CTDP1: variants seen among roughly 807,000 people sequenced by gnomAD.
CTDP1 encodes the protein RNA polymerase II subunit A C-terminal domain phosphatase.
A neutral mutation model predicts 91.8 loss-of-function variants in CTDP1; 47 were observed. That is an observed-to-expected ratio of 0.51 (90% CI 0.41 to 0.65). The LOEUF (loss-of-function observed/expected upper bound fraction) is 0.65. CTDP1 is among the 30% of genes least tolerant of loss of function. The pLI is 0.00. For synonymous variants in CTDP1, 656 were observed against 598.5 expected, an observed-to-expected ratio of 1.10 and a Z score of -1.40; for missense variants, 1,272 against 1,373.7, an observed-to-expected ratio of 0.93 and a Z score of 1.17.
At chr18:79,750,495 CT>C (rs879879846) in intron 12 of CTDP1, among the ~76,000 whole-genome samples, 209 of 149,578 alleles carry the variant, frequency 1.4e-3, no homozygotes, top group South Asian at 4.7e-3. Flanking sequence ...GCTACTCTGC[CT>C]TTTTTTTTCC....
intron 1 of CTDP1, among the ~76,000 whole-genome samples, chr18:79,681,735 C>T (rs973121407): frequency 6.6e-6 from 1 of 152,178 alleles, no homozygotes; most frequent in African/African-American, 2.4e-5. Flanking sequence ...CATTTCTCCT[C>T]AGATGGAGCG....
chr18:79,707,103 T>A (rs1401343678), intron 5 of CTDP1, among the ~76,000 whole-genome samples: 1 of 152,134 alleles, frequency 6.6e-6, no homozygotes, highest in African/African-American at 2.4e-5. Flanking sequence ...CAAGCCCCAG[T>A]GAGGAGGAGC....
intron 1 of CTDP1, chr18:79,683,134 C>A (rs1033816240): frequency 3.3e-5 from 5 of 152,202 alleles, no homozygotes; most frequent in African/African-American, 1.2e-4. Flanking sequence ...GTCATTGACT[C>A]TGCTCACCAG....
chr18:79,738,729 G>A (rs1000648690), intron 12 of CTDP1, among the ~76,000 whole-genome samples: 3 of 152,244 alleles, frequency 2.0e-5, no homozygotes, highest in Admixed American at 6.5e-5. Flanking sequence ...TCCGTTTGCA[G>A]GAATTACTTA....
At chr18:79,749,102 T>C (rs971479313) in intron 12 of CTDP1, among the ~76,000 whole-genome samples, 3 of 152,246 alleles carry the variant, frequency 2.0e-5, no homozygotes, top group Non-Finnish European at 4.4e-5. Flanking sequence ...GGGAACATAT[T>C]TCTAAACCTC....
Position 79,679,915 on chromosome 18 carries a change from C to T in CTDP1, c.-33C>T, listed in dbSNP as rs983009502. On this transcript the variant is annotated 5_prime_UTR_variant, in exon 1 of 13. Coordinates refer to ENST00000613122, the MANE Select transcript of CTDP1 (RefSeq NM_004715.5). ...CTGCGCTCTGAGCGCAGCGCAGGCCCCGTACCGACCGCCCGCCCGCCCTCT... is the reference window on the plus strand; with the variant it reads ...CTGCGCTCTGAGCGCAGCGCAGGCCTCGTACCGACCGCCCGCCCGCCCTCT... 1 of 1,380,208 alleles carries T rather than the reference C, an allele frequency of 7.2e-7. No individual in the cohort carries two copies. The highest frequency in any genetic ancestry group is 9.4e-7 in the Non-Finnish European group (1 of 1,062,576). The allele number at this position is 1,380,208 out of a possible 1,614,324, so 85.5% of individuals were successfully genotyped here. A position where few individuals can be genotyped will look rare whatever the true frequency, so the allele number is the denominator to read the frequency against.
chr18:79,730,697 CTG>C (rs1218208664), intron 11 of CTDP1, among the ~76,000 whole-genome samples: 1 of 152,236 alleles, frequency 6.6e-6, no homozygotes, highest in Non-Finnish European at 1.5e-5. Context: ...CCTTGATTCT[CTG>C]TGAGTCCTGG....
In CTDP1 at chr18:79,701,115, C is replaced by T. The variant is rs200426198; in HGVS notation, c.621+3127C>T. On this transcript the variant is annotated intron_variant, in intron 4 of 12. Transcript: ENST00000613122. ...GGTCACCCAAGAGCTCTGATGGAGACGTACAGGAGAGGAATGTTGTTTTCA... is the reference window on the plus strand; with the variant it reads ...GGTCACCCAAGAGCTCTGATGGAGATGTACAGGAGAGGAATGTTGTTTTCA... Among the ~76,000 whole-genome samples, 9 of 152,186 alleles carry T rather than the reference C, an allele frequency of 5.9e-5. No individual in the cohort carries two copies. The East Asian group carries it at 1.3e-3, about 23-fold the overall frequency.
At chr18:79,705,595 C>T (rs898334460) in intron 5 of CTDP1, among the ~76,000 whole-genome samples, 5 of 150,570 alleles carry the variant, frequency 3.3e-5, no homozygotes, top group South Asian at 2.1e-4. Flanking sequence ...TGCGGGACGG[C>T]GACCGTCTGT....
chr18:79,746,572 A>G (rs638641), intron 12 of CTDP1, among the ~76,000 whole-genome samples: 59,198 of 152,138 alleles, frequency 0.39, 13,958 homozygotes, highest in Admixed American at 0.51. Flanking sequence ...CGTTTTGACA[A>G]CTGCTGTCAC....
At chr18:79,711,414 A>C (rs1333710111) in intron 6 of CTDP1, among the ~76,000 whole-genome samples, 1 of 152,136 alleles carries the variant, frequency 6.6e-6, no homozygotes, top group African/African-American at 2.4e-5. Context: ...GGGAATGGCC[A>C]GGGCTCCTGG....
At chr18:79,706,298 C>T (rs554280729) in intron 5 of CTDP1, among the ~76,000 whole-genome samples, 17 of 152,280 alleles carry the variant, frequency 1.1e-4, no homozygotes, top group African/African-American at 3.6e-4. Context: ...CAGCCCAGGC[C>T]GACTAAGCTG....
chr18:79,680,299 G>T, intron 1 of CTDP1, 38 bp downstream of exon 1: 1 of 1,238,538 alleles, frequency 8.1e-7, no homozygotes, highest in African/African-American at 1.6e-5. Flanking sequence ...AGGGCGGGCG[G>T]CTCCGGGGAG....
At chr18:79,684,820 C>G (rs529378857) in intron 1 of CTDP1, among the ~76,000 whole-genome samples, 2 of 152,238 alleles carry the variant, frequency 1.3e-5, no homozygotes, top group African/African-American at 4.8e-5. Flanking sequence ...GGGCTTCATC[C>G]TATCTGGCAG....
chr18:79,697,734 G>A (rs1430003151), intron 3 of CTDP1, 126 bp from the exon 4 acceptor site: 8 of 1,427,874 alleles, frequency 5.6e-6, no homozygotes, highest in South Asian at 1.2e-5. Flanking sequence ...GTACGGCGCA[G>A]TCCATGGAGC....
At chr18:79,702,519 G>A (rs546816687) in intron 4 of CTDP1, among the ~76,000 whole-genome samples, 56 of 152,108 alleles carry the variant, frequency 3.7e-4, no homozygotes, top group Non-Finnish European at 6.3e-4. Flanking sequence ...GACTACAGGC[G>A]TGTACCACCA....
In CTDP1 at chr18:79,714,627, C is replaced by T. The variant is rs759434586; in HGVS notation, c.1167C>T (p.Ala389=). The T allele has an allele frequency of 6.2e-5, 100 of 1,612,336 alleles. No individual in the cohort carries two copies. In the South Asian group the frequency reaches 7.1e-4, roughly 12 times the overall value. The part of the protein sequence containing the change: ...KPARELNGSE[A]ATPRDSPRPG... ...CACGGGAGCTGAACGGCAGCGAGGCCGCCACCCCGCGGGACTCACCCCGCC... is the reference window on the plus strand; with the variant it reads ...CACGGGAGCTGAACGGCAGCGAGGCTGCCACCCCGCGGGACTCACCCCGCC... The change falls in exon 8 of 13, where the codon GCC becomes GCT. Residue 389 remains alanine, a synonymous_variant. Transcript: ENST00000613122.
At chr18:79,679,354 GGCAT>G (rs1568164997), upstream of CTDP1, 1 of 450,272 alleles carries the variant, frequency 2.2e-6, no homozygotes, top group South Asian at 1.6e-5. Context: ...CGGCGCGCAA[GGCAT>G]GCCGGGACCC....
chr18:79,753,745 C>A lies in CTDP1; in HGVS notation c.2841C>A (p.Asp947Glu). Residue 947 changes from aspartate (D) to glutamate (E), a missense_variant, in exon 13 of 13, where the codon GAC becomes GAA. Physicochemically the swap from Asp to Glu is conservative, Grantham distance 45. Around this residue, in one of 3 missense-constraint regions of CTDP1, gnomAD observed 881 missense variants for 911.6 expected, o/e 0.97. Transcript: ENST00000613122. ...NEDEGSSSEADEMAKALEAEL... is the reference protein window; with the variant it reads ...NEDEGSSSEAEEMAKALEAEL... ...ATGAGGGCAGCAGCTCCGAGGCCGA[C>A]GAGATGGCCAAGGCGCTGGAGGCGG... 6.2e-7 allele frequency: 1 copy of A among 1,613,952 alleles called. No individual in the cohort carries two copies. The highest frequency in any genetic ancestry group is 8.5e-7 in the Non-Finnish European group (1 of 1,179,998).
Sources: allele counts gnomAD v4.1 joint callset (sites outside exome capture counted in the v4.1 genomes callset), GRCh38; gene constraint gnomAD v4.1.1; regional missense constraint gnomAD v4.1.1; transcripts MANE v1.5; gene names NCBI Gene and HGNC (gene_info 2026-07-23, HGNC 2026-07-21).